The following TRPC7 variants were observed in gnomAD, a reference collection of about 807,000 sequenced individuals.
TRPC7 encodes transient receptor potential cation channel subfamily C member 7.
A neutral mutation model predicts 90.1 loss-of-function variants in TRPC7; 42 were observed. That is an observed-to-expected ratio of 0.47 (90% CI 0.36 to 0.60). The LOEUF (loss-of-function observed/expected upper bound fraction) is 0.60. TRPC7 is among the 20% of genes least tolerant of loss of function. TRPC7 has a pLI of 0.00. For missense variants in TRPC7, 955 were observed against 1,112.3 expected (o/e 0.86, Z 2.01); for synonymous variants, 451 against 436.3 (o/e 1.03, Z -0.42).
chr5:136,313,373 G>GTCTATCTATCTA (rs1472445604), intron 3 of TRPC7, among the ~76,000 whole-genome samples: 156 of 92,992 alleles, frequency 1.7e-3, no homozygotes, highest in Middle Eastern at 4.6e-3. Flanking sequence ...CTCAGGAGAT[G>GTCTATCTATCTA]TCTGTCTATC....
chr5:136,286,471 G>T (rs1050499919), intron 3 of TRPC7, among the ~76,000 whole-genome samples: 6 of 152,192 alleles, frequency 3.9e-5, no homozygotes, highest in African/African-American at 1.4e-4. Context: ...CCCCCATGCT[G>T]TGAGGAAGCT....
rs78114321 is a variant in TRPC7 at position 136,226,630 on chromosome 5, C to T, written c.2041-375G>A. 1.4e-3 allele frequency among the ~76,000 whole-genome samples: 220 copies of T among 152,320 alleles called. 1 individual carries two copies. Among genetic ancestry groups the T allele is most frequent in the African/African-American group, 4.8e-3 (199 of 41,568 alleles). ...GCTCTGCTAGCTGATTCACCAGCCA[C>T]CACAGCATTATTGTACTTATTAATC... On this transcript the variant is annotated intron_variant, in intron 8 of 11. Coordinates refer to ENST00000513104, the MANE Select transcript of TRPC7 (RefSeq NM_020389.3).
At chr5:136,364,920 T>A (rs1484777476) in intron 1 of TRPC7, among the ~76,000 whole-genome samples, 1 of 152,054 alleles carries the variant, frequency 6.6e-6, no homozygotes, top group African/African-American at 2.4e-5. Context: ...CATAAATACA[T>A]TAGAAAGCTG....
Position 136,282,333 on chromosome 5 carries a change from G to A in TRPC7, c.964-7496C>T, listed in dbSNP as rs555045423. Among the ~76,000 whole-genome samples, 8 of 152,258 alleles carry A rather than the reference G, an allele frequency of 5.3e-5. No individual in the cohort carries two copies. The South Asian group carries it at 1.7e-3, about 32-fold the overall frequency. Reference sequence around the variant, plus strand: ...GAACTATCTGTAGCTTACTTAGAACGATCCCTTTATGATTCTAAATTTTCT... The same window carrying A: ...GAACTATCTGTAGCTTACTTAGAACAATCCCTTTATGATTCTAAATTTTCT... On this transcript the variant is annotated intron_variant, in intron 3 of 11. Coordinates refer to ENST00000513104, the MANE Select transcript of TRPC7 (RefSeq NM_020389.3).
intron 7 of TRPC7, among the ~76,000 whole-genome samples, chr5:136,239,739 C>G (rs1336368968): frequency 3.9e-5 from 6 of 152,270 alleles, no homozygotes; most frequent in Non-Finnish European, 4.4e-5. Context: ...CAGAGCCTCC[C>G]AGGCGATCTA....
At chr5:136,239,810 C>A (rs963836473) in intron 7 of TRPC7, among the ~76,000 whole-genome samples, 10 of 152,360 alleles carry the variant, frequency 6.6e-5, no homozygotes, top group African/African-American at 1.9e-4. Context: ...AGAACATTTT[C>A]TCAATTTGTA....
At chr5:136,292,857 A>G (rs950090156) in intron 3 of TRPC7, among the ~76,000 whole-genome samples, 1 of 152,228 alleles carries the variant, frequency 6.6e-6, no homozygotes, top group Non-Finnish European at 1.5e-5. Flanking sequence ...AGAATTTTAT[A>G]CCAATATCCT....
chr5:136,246,159 G>A (rs1022124285), intron 7 of TRPC7, among the ~76,000 whole-genome samples: 3 of 152,162 alleles, frequency 2.0e-5, no homozygotes, highest in Admixed American at 2.0e-4. Context: ...AGCTACTTCT[G>A]GACCCCAATT....
intron 11 of TRPC7, among the ~76,000 whole-genome samples, chr5:136,215,631 A>C (rs1755240841): frequency 6.6e-6 from 1 of 151,492 alleles, no homozygotes; most frequent in Non-Finnish European, 1.5e-5. Context: ...GACCAGCCTG[A>C]CCAACATGGT....
At chr5:136,292,814 T>A (rs1204136119) in intron 3 of TRPC7, among the ~76,000 whole-genome samples, 1 of 151,988 alleles carries the variant, frequency 6.6e-6, no homozygotes, top group Admixed American at 6.6e-5. Context: ...ATCATCCTGA[T>A]ACCAAAGCAT....
In TRPC7 at chr5:136,216,069, GGAGA is replaced by G; in HGVS notation, c.2419+127_2419+130del. On this transcript the variant is annotated intron_variant, in intron 11 of 11. Coordinates refer to ENST00000513104, the MANE Select transcript of TRPC7 (RefSeq NM_020389.3). ...ACTCTGCCGACAACTGAATGAGCAA[GGAGA>G]CTGAGCCTCCCTGGAGCCTCTGGAA... is the stretch of plus-strand genomic sequence containing the variant. The G allele has an allele frequency of 4.2e-6, 3 of 720,378 alleles. No individual in the cohort carries two copies. The Admixed American group carries it at 7.4e-5, about 18-fold the overall frequency. The allele number at this position is 720,378 out of a possible 1,614,324, so 44.6% of individuals were successfully genotyped here. A position where few individuals can be genotyped will look rare whatever the true frequency, so the allele number is the denominator to read the frequency against.
rs1366414988 is a variant in TRPC7, at chr5:136,216,089, G to A, written c.2419+111C>T. On this transcript the variant is annotated intron_variant, in intron 11 of 11. Transcript: ENST00000513104. ...AGCAAGGAGACTGAGCCTCCCTGGA[G>A]CCTCTGGAAAGGAGCACAGTGCCCT... The A allele has an allele frequency of 3.5e-6, 3 of 851,432 alleles. No individual in the cohort carries two copies. The African/African-American group carries it at 5.1e-5, about 14-fold the overall frequency. 52.7% of individuals were successfully genotyped at this position (851,432 alleles called of 1,614,324 possible). A position where few individuals can be genotyped will look rare whatever the true frequency, so the allele number is the denominator to read the frequency against.
chr5:136,247,408 A>G lies in TRPC7; in HGVS notation c.1844+63T>C. On this transcript the variant is annotated intron_variant, in intron 7 of 11. Coordinates refer to ENST00000513104, the MANE Select transcript of TRPC7 (RefSeq NM_020389.3). The surrounding 1 kb of genome is among the most constrained non-coding windows in gnomAD (Gnocchi z 4.2). ...GTCTCTGCAAGAAGCCACCTTCAGG[A>G]GACTCCCAAGGATTCCCAGGAAGCC... The G allele has an allele frequency of 9.8e-6, 15 of 1,523,266 alleles. No homozygotes were observed. The highest frequency in any genetic ancestry group is 1.2e-5 in the Non-Finnish European group (14 of 1,131,172). The allele number at this position is 1,523,266 out of a possible 1,614,324, so 94.4% of individuals were successfully genotyped here.
At chr5:136,357,959 G>T (rs1368485942) in intron 1 of TRPC7, among the ~76,000 whole-genome samples, 1 of 152,148 alleles carries the variant, frequency 6.6e-6, no homozygotes, top group African/African-American at 2.4e-5. Context: ...CACAAATATG[G>T]CTGCCTTCGG....
At chr5:136,334,475 C>T (rs577403964) in intron 2 of TRPC7, among the ~76,000 whole-genome samples, 2 of 152,208 alleles carry the variant, frequency 1.3e-5, no homozygotes, top group Admixed American at 6.5e-5. Context: ...CACTTTGGTG[C>T]TTCTGTCCAT....
At chr5:136,235,394 A>T (rs958929638) in intron 7 of TRPC7, among the ~76,000 whole-genome samples, 1 of 152,156 alleles carries the variant, frequency 6.6e-6, no homozygotes, top group African/African-American at 2.4e-5. Flanking sequence ...ACTTGACCTC[A>T]CTACCCTGAG....
chr5:136,306,902 T>A (rs1258995493), intron 3 of TRPC7, among the ~76,000 whole-genome samples: 1 of 152,220 alleles, frequency 6.6e-6, no homozygotes, highest in Non-Finnish European at 1.5e-5. Context: ...GAACTAATGA[T>A]AATCCACCAC....
At chr5:136,344,249 C>A (rs562714210) in intron 2 of TRPC7, among the ~76,000 whole-genome samples, 30 of 152,216 alleles carry the variant, frequency 2.0e-4, no homozygotes, top group South Asian at 1.5e-3. Context: ...AAGAAGGGAA[C>A]AACAGACGCT....
chr5:136,231,307 G>A lies in TRPC7; in HGVS notation c.2040+47C>T, dbSNP rs764355838. On this transcript the variant is annotated intron_variant, in intron 8 of 11. Transcript: ENST00000513104. ...TCCCCTCATTGCTGAAAAAAGCAAT[G>A]TAAATTAGATGAAGGAGAGCAAGCA... The A allele has an allele frequency of 1.2e-5, 18 of 1,500,416 alleles. No individual in the cohort carries two copies. The Admixed American group carries it at 3.6e-4, about 30-fold the overall frequency. 92.9% of individuals were successfully genotyped at this position (1,500,416 alleles called of 1,614,324 possible).
Sources: gnomAD v4.1 joint callset for allele counts (sites outside exome capture counted in the v4.1 genomes callset) on GRCh38, gnomAD v4.1.1 for gene constraint, Gnocchi (gnomAD v3.1) non-coding constraint, MANE v1.5 for transcripts, NCBI Gene and HGNC (gene_info 2026-07-23, HGNC 2026-07-21) for gene names.